Variants in GAS7 observed in about 807,000 individuals in gnomAD.
The protein encoded by GAS7 is growth arrest specific 7.
Under a neutral mutation model 71.1 loss-of-function variants are expected in GAS7, and 28 were observed. The observed-to-expected ratio is 0.39, with a 90% CI of 0.29 to 0.54. GAS7 has a LOEUF of 0.54. Among genes scored for constraint, GAS7 ranks in the 20% least tolerant of loss-of-function variants. GAS7 has a pLI of 0.62. For missense variants in GAS7, 436 were observed against 627.8 expected (o/e 0.69, Z 3.27); for synonymous variants, 258 against 245.8 (o/e 1.05, Z -0.46).
intron 3 of GAS7, among the ~76,000 whole-genome samples, chr17:9,973,868 C>T (rs989991125): frequency 2.6e-5 from 4 of 152,100 alleles, no homozygotes; most frequent in East Asian, 1.9e-4. Flanking sequence ...AGTCTGCTTT[C>T]GAAAATGAAA....
chr17:10,062,990 C>T (rs1597765122), intron 1 of GAS7, among the ~76,000 whole-genome samples: 2 of 152,368 alleles, frequency 1.3e-5, no homozygotes, highest in South Asian at 4.1e-4. Context: ...CCACACTGTG[C>T]AGACATCAGG....
intron 4 of GAS7, among the ~76,000 whole-genome samples, chr17:9,963,868 GAT>G (rs2069600461): frequency 6.6e-6 from 1 of 150,726 alleles, no homozygotes; most frequent in Middle Eastern, 3.2e-3. Context: ...CTTCCTGGAA[GAT>G]ACATTCTGAA....
intron 5 of GAS7, among the ~76,000 whole-genome samples, chr17:9,950,564 A>G (rs933007459): frequency 3.9e-5 from 6 of 152,192 alleles, no homozygotes; most frequent in African/African-American, 1.2e-4. Context: ...AGTTTTTTAA[A>G]AGGCACCTTG....
Position 9,959,069 on chromosome 17 carries a change from C to G in GAS7, c.525+133G>C, listed in dbSNP as rs2069367516. 7.5e-7 allele frequency: 1 copy of G among 1,340,720 alleles called. No homozygotes were observed. The highest frequency in any genetic ancestry group is 1.5e-5 in the African/African-American group (1 of 68,276). The allele number at this position is 1,340,720 out of a possible 1,614,324, so 83.1% of individuals were successfully genotyped here. ...TGTGGATGGGGAACTTGAGTGAAATCCGAGCTTTGGAACTTCCCCGTTTCC... is the reference window on the plus strand; with the variant it reads ...TGTGGATGGGGAACTTGAGTGAAATGCGAGCTTTGGAACTTCCCCGTTTCC... On this transcript the variant is annotated intron_variant, in intron 5 of 13. Coordinates refer to ENST00000432992, the MANE Select transcript of GAS7 (RefSeq NM_201433.2). This position sits in a 1 kb window ranked among gnomAD's most constrained non-coding sequence, Gnocchi z 5.0.
At chr17:10,013,214 G>T (rs148241410) in intron 2 of GAS7, among the ~76,000 whole-genome samples, 46 of 151,828 alleles carry the variant, frequency 3.0e-4, no homozygotes, top group African/African-American at 1.1e-3. Flanking sequence ...GCCCACACCC[G>T]ACACCAAATC....
chr17:10,144,128 A>G (rs374673334), intron 1 of GAS7, among the ~76,000 whole-genome samples: 2,457 of 41,944 alleles, frequency 0.059, 72 homozygotes, highest in African/African-American at 0.2. Flanking sequence ...ATGTGATTGC[A>G]GGAGACTCTA....
At chr17:10,112,791 G>A (rs905825827) in intron 1 of GAS7, among the ~76,000 whole-genome samples, 3 of 136,894 alleles carry the variant, frequency 2.2e-5, no homozygotes, top group Non-Finnish European at 3.2e-5. Context: ...GAAAGAGAAA[G>A]AAAGAAAAGA....
At chr17:10,132,709 A>C (rs1185240700) in intron 1 of GAS7, among the ~76,000 whole-genome samples, 3 of 152,110 alleles carry the variant, frequency 2.0e-5, no homozygotes, top group African/African-American at 7.2e-5. Context: ...CGGAGGGTGC[A>C]GTGAGCCAAG....
chr17:10,021,405 T>C (rs995975254), intron 1 of GAS7, among the ~76,000 whole-genome samples: 3 of 152,244 alleles, frequency 2.0e-5, no homozygotes, highest in Non-Finnish European at 4.4e-5. Context: ...CGTAGTGCCC[T>C]GCATGTCATT....
At chr17:10,002,997 A>G (rs2071331007) in intron 2 of GAS7, among the ~76,000 whole-genome samples, 1 of 152,230 alleles carries the variant, frequency 6.6e-6, no homozygotes, top group African/African-American at 2.4e-5. Flanking sequence ...CTGGAAGACC[A>G]CATCTTAACT....
At chr17:9,953,028 T>C (rs2069083459) in intron 5 of GAS7, among the ~76,000 whole-genome samples, 1 of 151,952 alleles carries the variant, frequency 6.6e-6, no homozygotes. Context: ...TCTTTCCACA[T>C]AAAGACACAT....
chr17:10,056,610 G>A (rs1045633507), intron 1 of GAS7, among the ~76,000 whole-genome samples: 2 of 151,854 alleles, frequency 1.3e-5, no homozygotes, highest in Non-Finnish European at 2.9e-5. Flanking sequence ...AGTGGCTCAC[G>A]CCTGTAATCC....
intron 10 of GAS7, among the ~76,000 whole-genome samples, chr17:9,925,848 G>T (rs1217718563): frequency 6.6e-6 from 1 of 152,024 alleles, no homozygotes; most frequent in South Asian, 2.1e-4. Context: ...CTCAAACCAC[G>T]TTTTTTTCCC....
rs188813424 is a variant in GAS7, at chr17:9,919,145, G to A, written c.1218+481C>T. 3.6e-4 allele frequency among the ~76,000 whole-genome samples: 54 copies of A among 150,378 alleles called. No individual in the cohort carries two copies. The highest frequency in any genetic ancestry group is 1.1e-3 in the Admixed American group (16 of 14,992). On this transcript the variant is annotated intron_variant, in intron 12 of 13. Transcript: ENST00000432992. The surrounding 1 kb of genome is among the most constrained non-coding windows in gnomAD (Gnocchi z 5.0). ...ACAAGAAATACTCAAGAGCATCATC[G>A]GCCCTGCCGCCTGTTGTTCACCCTT...
At chr17:9,954,656 G>C (rs1387257631) in intron 5 of GAS7, among the ~76,000 whole-genome samples, 1 of 152,168 alleles carries the variant, frequency 6.6e-6, no homozygotes, top group Non-Finnish European at 1.5e-5. Context: ...AGACATTTTT[G>C]GTTGTCACAG....
chr17:10,003,237 G>A (rs3786080), intron 2 of GAS7, among the ~76,000 whole-genome samples: 35,913 of 152,094 alleles, frequency 0.24, 6,497 homozygotes, highest in African/African-American at 0.51. Context: ...TGGGGGTTCC[G>A]CAGCAGAGAC....
intron 1 of GAS7, among the ~76,000 whole-genome samples, chr17:10,056,357 T>A (rs144552074): frequency 1.3e-5 from 2 of 152,140 alleles, no homozygotes; most frequent in Middle Eastern, 3.4e-3. Flanking sequence ...TAGCCAGGCA[T>A]GATGGTGCAC....
chr17:10,067,674 CA>C (rs1328610403), intron 1 of GAS7, among the ~76,000 whole-genome samples: 2 of 152,216 alleles, frequency 1.3e-5, no homozygotes, highest in Non-Finnish European at 2.9e-5. Flanking sequence ...AGGCCAACCT[CA>C]AGCTAGGAAT....
chr17:10,041,534 C>A (rs1026563630), intron 1 of GAS7, among the ~76,000 whole-genome samples: 25 of 152,362 alleles, frequency 1.6e-4, no homozygotes, highest in Admixed American at 4.6e-4. Flanking sequence ...GGCCTGACCT[C>A]AGCAGAACAC....
Sources: gnomAD v4.1 joint callset for allele counts (sites outside exome capture counted in the v4.1 genomes callset) on GRCh38, gnomAD v4.1.1 for gene constraint, Gnocchi (gnomAD v3.1) non-coding constraint, MANE v1.5 for transcripts, NCBI Gene and HGNC (gene_info 2026-07-23, HGNC 2026-07-21) for gene names.